NOX5: variants seen among roughly 807,000 people sequenced by gnomAD.
NOX5 encodes NADPH oxidase 5.
A neutral mutation model predicts 85.7 loss-of-function variants in NOX5; 76 were observed. That is an observed-to-expected ratio of 0.89 (90% CI 0.74 to 1.07). The LOEUF is 1.07. Among genes scored for constraint, NOX5 ranks in the 50% least tolerant of loss-of-function variants. The pLI is 0.00. For synonymous variants in NOX5, 405 were observed against 401.4 expected, an observed-to-expected ratio of 1.01 and a Z score of -0.11; for missense variants, 973 against 999.5, an observed-to-expected ratio of 0.97 and a Z score of 0.36.
intron 10 of NOX5, 61 bp downstream of exon 10, chr15:69,042,866 C>A (rs769643127): frequency 3.6e-5 from 55 of 1,546,672 alleles, no homozygotes; most frequent in Non-Finnish European, 4.6e-5. Flanking sequence ...GACCAAGTTG[C>A]CTCCTTCTTC....
intron 5 of NOX5, among the ~76,000 whole-genome samples, chr15:69,033,986 G>T (rs983064323): frequency 6.6e-6 from 1 of 151,934 alleles, no homozygotes; most frequent in Admixed American, 6.6e-5. Flanking sequence ...GAGCCACCAC[G>T]CCTGACCTCT....
chr15:69,033,669 AAG>A (rs2050471535), intron 5 of NOX5, among the ~76,000 whole-genome samples: 1 of 150,512 alleles, frequency 6.6e-6, no homozygotes, highest in Non-Finnish European at 1.5e-5. Flanking sequence ...TGAGGCCTCT[AAG>A]AGGTGTTTTT....
At chr15:69,020,894 A>G (rs1419833808) in intron 1 of NOX5, among the ~76,000 whole-genome samples, 1 of 152,080 alleles carries the variant, frequency 6.6e-6, no homozygotes, top group Non-Finnish European at 1.5e-5. Context: ...GAACTTTATC[A>G]GGTGCTTCCT....
intron 10 of NOX5, among the ~76,000 whole-genome samples, chr15:69,043,903 G>A (rs912295143): frequency 3.3e-5 from 5 of 152,106 alleles, no homozygotes; most frequent in African/African-American, 1.2e-4. Flanking sequence ...AGCTAATTGG[G>A]GGCCGGGCAC....
intron 14 of NOX5, among the ~76,000 whole-genome samples, chr15:69,051,395 CTT>C (rs781056249): frequency 1.4e-5 from 2 of 148,142 alleles, no homozygotes; most frequent in Non-Finnish European, 3.0e-5. Flanking sequence ...GTAAATTTTT[CTT>C]TTTTTTTTTG....
chr15:69,032,910 G>C, intron 4 of NOX5, 133 bp from the exon 5 acceptor site: 1 of 1,272,954 alleles, frequency 7.9e-7, no homozygotes, highest in Non-Finnish European at 1.1e-6. Flanking sequence ...TGACCTCTCT[G>C]TTTCCTGGTG....
chr15:69,020,283 A>G (rs2050281374), intron 1 of NOX5, among the ~76,000 whole-genome samples: 1 of 152,146 alleles, frequency 6.6e-6, no homozygotes, highest in African/African-American at 2.4e-5. Context: ...TCTGTCATGC[A>G]GAAATTAATT....
intron 1 of NOX5, chr15:69,023,546 C>T (rs2050320748): frequency 1.8e-5 from 5 of 281,294 alleles, no homozygotes; most frequent in Admixed American, 1.4e-4. Flanking sequence ...GGTCATAGAG[C>T]TCTTTGTGCT....
intron 14 of NOX5, among the ~76,000 whole-genome samples, chr15:69,051,852 T>TTA (rs1555437921): frequency 1.3e-5 from 2 of 151,724 alleles, no homozygotes; most frequent in African/African-American, 2.4e-5. Flanking sequence ...GTTTTTTTTT[T>TTA]AAAAAAAGAT....
At chr15:69,032,294 C>T (rs2050446077) in intron 4 of NOX5, among the ~76,000 whole-genome samples, 1 of 151,930 alleles carries the variant, frequency 6.6e-6, no homozygotes, top group South Asian at 2.1e-4. Flanking sequence ...ACTAGAGAAG[C>T]ACAAAATTAA....
chr15:69,024,445 C>T (rs1053140244), intron 1 of NOX5, among the ~76,000 whole-genome samples: 5 of 152,036 alleles, frequency 3.3e-5, no homozygotes, highest in African/African-American at 9.7e-5. Flanking sequence ...TGCTCTGTCC[C>T]ACCTTGGTTC....
chr15:69,034,494 G>C (rs1252194501), intron 5 of NOX5, among the ~76,000 whole-genome samples: 1 of 152,174 alleles, frequency 6.6e-6, no homozygotes, highest in Non-Finnish European at 1.5e-5. Context: ...TGGTTTCTCT[G>C]CTGGGAAACT....
At chr15:69,025,833 A>G (rs983246676) in intron 1 of NOX5, among the ~76,000 whole-genome samples, 2 of 152,182 alleles carry the variant, frequency 1.3e-5, no homozygotes, top group African/African-American at 4.8e-5. Flanking sequence ...ATCATAGTAC[A>G]GACAGCCCAT....
chr15:69,020,713 C>T (rs947810431), intron 1 of NOX5, among the ~76,000 whole-genome samples: 1 of 151,726 alleles, frequency 6.6e-6, no homozygotes, highest in African/African-American at 2.4e-5. Context: ...CCCTTGAGCC[C>T]AGAAACTAGC....
chr15:69,027,409 T>C (rs1379087503), intron 2 of NOX5, among the ~76,000 whole-genome samples: 1 of 152,176 alleles, frequency 6.6e-6, no homozygotes, highest in African/African-American at 2.4e-5. Flanking sequence ...CCAGGGATCC[T>C]GGGGATGAAG....
intron 9 of NOX5, among the ~76,000 whole-genome samples, chr15:69,041,656 A>G (rs557600884): frequency 1.3e-5 from 2 of 152,200 alleles, no homozygotes; most frequent in Non-Finnish European, 2.9e-5. Flanking sequence ...TGTATTAACA[A>G]AGAAGCACAT....
At position 69,033,139 on chromosome 15, in the gene NOX5, G is replaced by A; in HGVS notation, c.717G>A (p.Leu239=). 6.4e-7 allele frequency: 1 copy of A among 1,570,968 alleles called. No homozygotes were observed. Among genetic ancestry groups the A allele is most frequent in the Non-Finnish European group, 8.6e-7 (1 of 1,164,824 alleles). The change falls in exon 5 of 16, where the codon CTG becomes CTA. Residue 239 remains leucine, a synonymous_variant. Coordinates refer to ENST00000388866, the MANE Select transcript of NOX5 (RefSeq NM_024505.4). ...RAYWHNHRSQ[L]FCLATYAGLH... ...ACTGGCACAACCACCGCAGCCAGCT[G>A]TTCTGCCTGGCCACCTATGCAGGCC... is the stretch of plus-strand genomic sequence containing the variant.
rs1340218158 is a variant in NOX5, at chr15:69,028,327, A to G, written c.287A>G (p.Asp96Gly). 1 of 1,612,256 alleles carries G rather than the reference A, an allele frequency of 6.2e-7. No homozygotes were observed. Among genetic ancestry groups the G allele is most frequent in the South Asian group, 1.1e-5 (1 of 90,782 alleles). Residue 96 changes from aspartate (D) to glycine (G), a missense_variant, in exon 3 of 16, where the codon GAC (aspartate) becomes GGC (glycine). By Grantham distance (94) the Asp-to-Gly change is moderately conservative. Transcript: ENST00000388866. ...LTLLIHGSPMDKLKFLFQVYD... is the reference protein window; with the variant it reads ...LTLLIHGSPMGKLKFLFQVYD... ...CTGCTCATCCATGGCAGCCCCATGG[A>G]CAAACTCAAATTCCTCTTCCAGGTG...
intron 7 of NOX5, among the ~76,000 whole-genome samples, chr15:69,036,746 G>A (rs1376733504): frequency 6.6e-6 from 1 of 152,146 alleles, no homozygotes; most frequent in Admixed American, 6.5e-5. Context: ...CGATACTGAT[G>A]CTCATGATCC....
Sources: gnomAD v4.1 joint callset for allele counts (sites outside exome capture counted in the v4.1 genomes callset) on GRCh38, gnomAD v4.1.1 for gene constraint, MANE v1.5 for transcripts, NCBI Gene and HGNC (gene_info 2026-07-23, HGNC 2026-07-21) for gene names.